LONP1: variants seen among roughly 807,000 people sequenced by gnomAD.
LONP1 encodes the protein lon peptidase 1, mitochondrial.
A neutral mutation model predicts 98.5 loss-of-function variants in LONP1; 31 were observed. The observed-to-expected ratio is 0.31, with a 90% CI of 0.24 to 0.42. The LOEUF (loss-of-function observed/expected upper bound fraction) is 0.42, where lower values mean the gene tolerates loss of function less well. Among genes scored for constraint, LONP1 ranks in the 20% least tolerant of loss-of-function variants. The pLI is 1.00. For missense variants in LONP1, 1,336 were observed against 1,350.6 expected (o/e 0.99, Z 0.17); for synonymous variants, 781 against 594.7 (o/e 1.31, Z -4.56).
chr19:5,696,233 C>G lies in LONP1; in HGVS notation c.1896+16G>C, dbSNP rs760295502. ...TACCCTCCCCAGCAAGCCCAGGCCC[C>G]AGACAGGCCCCCCACCTTGGACAAG... On this transcript the variant is annotated intron_variant, in intron 12 of 17. Coordinates refer to ENST00000360614, the MANE Select transcript of LONP1 (RefSeq NM_004793.4). 6 of 1,613,008 alleles carry G rather than the reference C, an allele frequency of 3.7e-6. No homozygotes were observed. In the East Asian group the frequency reaches 1.1e-4, roughly 30 times the overall value.
Position 5,691,916 on chromosome 19 carries a change from TG to T in LONP1, c.*115del. 1 of 1,205,428 alleles carries T rather than the reference TG, an allele frequency of 8.3e-7. No individual in the cohort carries two copies. Among genetic ancestry groups the T allele is most frequent in the Non-Finnish European group, 1.1e-6 (1 of 870,074 alleles). 74.7% of individuals were successfully genotyped at this position (1,205,428 alleles called of 1,614,324 possible). On this transcript the variant is annotated 3_prime_UTR_variant, in exon 18 of 18. Coordinates refer to ENST00000360614, the MANE Select transcript of LONP1 (RefSeq NM_004793.4). Reference sequence around the variant, plus strand: ...CTGAGGTCCCTGGGATCTGGGTCACTGGACCGAGCTGCTCGCTCGGTGGCTC... The same window carrying T: ...CTGAGGTCCCTGGGATCTGGGTCACTGACCGAGCTGCTCGCTCGGTGGCTC...
chr19:5,699,783 C>A (rs2055008706), intron 9 of LONP1, among the ~76,000 whole-genome samples: 1 of 151,914 alleles, frequency 6.6e-6, no homozygotes, highest in Non-Finnish European at 1.5e-5. Flanking sequence ...TGGTCTCGAA[C>A]TCCTGACCTT....
At chr19:5,708,166 C>T (rs1225958269) in intron 5 of LONP1, 176 bp downstream of exon 5, 9 of 658,744 alleles carry the variant, frequency 1.4e-5, no homozygotes, top group South Asian at 5.7e-5. Context: ...GAGTCGGCCC[C>T]GGGCCTCCCA....
Position 5,720,068 on chromosome 19 carries a change from G to C in LONP1, c.65C>G (p.Pro22Arg), listed in dbSNP as rs907207764. 4 of 1,527,794 alleles carry C rather than the reference G, an allele frequency of 2.6e-6. No homozygotes were observed. The highest frequency in any genetic ancestry group is 2.5e-5 in the East Asian group (1 of 39,416). The allele number at this position is 1,527,794 out of a possible 1,614,324, so 94.6% of individuals were successfully genotyped here. ...CCGCCCCCCGGCGGCGGCCAGCATC[G>C]GCCGCCGCAGCACCCAGCACCGCGC... ...GAARCWVLRR[P>R]MLAAAGGRVP... Residue 22 changes from proline (P) to arginine (R), a missense_variant, in exon 1 of 18, where the codon CCG (proline) becomes CGG (arginine). By Grantham distance (103) the Pro-to-Arg change is moderately radical (BLOSUM62 -2). This residue lies in a region of LONP1 where 457 missense variants were observed against 403.1 expected (regional missense o/e 1.13). Coordinates refer to ENST00000360614, the MANE Select transcript of LONP1 (RefSeq NM_004793.4).
chr19:5,696,602 G>A (rs1040252355), intron 11 of LONP1, 68 bp downstream of exon 11: 2 of 1,478,836 alleles, frequency 1.4e-6, no homozygotes, highest in Admixed American at 3.6e-5. Flanking sequence ...CTAGGACCCG[G>A]AAGGCTCGGC....
rs1479324890 is a variant in LONP1 at position 5,720,014 on chromosome 19, A to G, written c.119T>C (p.Leu40Pro). 1 of 1,571,204 alleles carries G rather than the reference A, an allele frequency of 6.4e-7. No homozygotes were observed. The highest frequency in any genetic ancestry group is 8.6e-7 in the Non-Finnish European group (1 of 1,161,380). Residue 40 changes from leucine to proline, a missense_variant, in exon 1 of 18, where the codon CTC (leucine) becomes CCC (proline). Leu to Pro is a moderately conservative substitution (Grantham distance 98). This residue lies in a region of LONP1 where 457 missense variants were observed against 403.1 expected (regional missense o/e 1.13). Coordinates refer to ENST00000360614, the MANE Select transcript of LONP1 (RefSeq NM_004793.4). ...GGCGTCGCAGGTCCGCTGGCCTCGGAGCAACCACGCTCCTGCTGCAGTGGG... is the reference window on the plus strand; with the variant it reads ...GGCGTCGCAGGTCCGCTGGCCTCGGGGCAACCACGCTCCTGCTGCAGTGGG... ...RVPTAAGAWL[L>P]RGQRTCDASP...
chr19:5,719,997 A>G lies in LONP1; in HGVS notation c.136T>C (p.Cys46Arg). ...GAWLLRGQRT[C>R]DASPPWALWG... The stretch of plus-strand genomic sequence containing the variant: ...AGTGCCCAAGGAGGAGAGGCGTCGC[A>G]GGTCCGCTGGCCTCGGAGCAACCAC... The change falls in exon 1 of 18, where the codon TGC becomes CGC. Residue 46 changes from cysteine to arginine, a missense_variant. By Grantham distance (180) the Cys-to-Arg change is radical (BLOSUM62 -3). Transcript: ENST00000360614. 1 of 1,579,902 alleles carries G rather than the reference A, an allele frequency of 6.3e-7. No homozygotes were observed. Among genetic ancestry groups the G allele is most frequent in the African/African-American group, 1.4e-5 (1 of 73,514 alleles).
chr19:5,712,100 C>A, intron 3 of LONP1, 98 bp from the exon 4 acceptor site: 1 of 992,876 alleles, frequency 1.0e-6, no homozygotes, highest in Non-Finnish European at 1.5e-6. Context: ...AAGGGTCCCG[C>A]TGAGCCCAGA....
At chr19:5,695,956 C>T (rs1438336683) in intron 13 of LONP1, 98 bp downstream of exon 13, 2 of 1,081,964 alleles carry the variant, frequency 1.8e-6, no homozygotes, top group Admixed American at 2.2e-5. Flanking sequence ...ACCTGTCTCT[C>T]CCGGGCCCAG....
intron 1 of LONP1, 39 bp from the exon 2 acceptor site, chr19:5,714,310 A>ATTTTTTTTTT (rs769200423): frequency 4.9e-4 from 663 of 1,359,978 alleles, no homozygotes; most frequent in East Asian, 8.2e-4. Flanking sequence ...TGCAGAGTAG[A>ATTTTTTTTTT]TTTTTTTTTT....
At chr19:5,714,634 T>TC (rs34144905) in intron 1 of LONP1, among the ~76,000 whole-genome samples, 4 of 149,296 alleles carry the variant, frequency 2.7e-5, no homozygotes, top group Admixed American at 6.7e-5. Flanking sequence ...TTTTTTTTTT[T>TC]CTGAGACGGA....
chr19:5,706,555 T>A (rs79363454), intron 7 of LONP1, among the ~76,000 whole-genome samples: 72 of 152,142 alleles, frequency 4.7e-4, no homozygotes, highest in African/African-American at 1.7e-3. Context: ...TGTAGTGAGC[T>A]GAGATTGCGC....
At chr19:5,697,436 C>G (rs1296729136) in intron 10 of LONP1, among the ~76,000 whole-genome samples, 2 of 150,542 alleles carry the variant, frequency 1.3e-5, no homozygotes, top group East Asian at 3.9e-4. Flanking sequence ...GTGCAAAGGC[C>G]CTGAAACAGG....
intron 6 of LONP1, 51 bp downstream of exon 6, chr19:5,707,646 G>A: frequency 6.3e-7 from 1 of 1,578,626 alleles, no homozygotes; most frequent in Non-Finnish European, 8.6e-7. Context: ...GAGCATAGTG[G>A]AGGTGGGGTG....
At position 5,693,195 on chromosome 19, in the gene LONP1, T is replaced by C. The variant is rs73920044; in HGVS notation, c.2703+103A>G. ...AGACCTGCTTCCAAAGCCCAGGGCT[T>C]CCCTCTCCTTGGCCCAGGCAGAGGT... On this transcript the variant is annotated intron_variant, in intron 17 of 17. Transcript: ENST00000360614. The C allele has an allele frequency of 1.2e-4, 163 of 1,414,342 alleles. 1 individual carries two copies. The African/African-American group carries it at 2.1e-3, about 19-fold the overall frequency. The allele number at this position is 1,414,342 out of a possible 1,614,324, so 87.6% of individuals were successfully genotyped here. A position where few individuals can be genotyped will look rare whatever the true frequency, so the allele number is the denominator to read the frequency against.
intron 1 of LONP1, among the ~76,000 whole-genome samples, chr19:5,718,134 C>T (rs1197188534): frequency 6.6e-6 from 1 of 152,100 alleles, no homozygotes; most frequent in Non-Finnish European, 1.5e-5. Context: ...TAGGACCCCA[C>T]AAGGTCTTGC....
chr19:5,699,089 G>A lies in LONP1; in HGVS notation c.1623C>T (p.Asn541=), dbSNP rs2054995175. Residue 541 remains asparagine (N), a synonymous_variant, in exon 10 of 18, where the codon AAC becomes AAT. Transcript: ENST00000360614. ...CGACGCTGAAGCGGAAGTACTCTCG[G>A]TTCAGGGCGCGGGCGATGGAGCGAG... ...SIARSIARAL[N]REYFRFSVGG... is the part of the protein sequence containing the mutation. 4 of 1,607,036 alleles carry A rather than the reference G, an allele frequency of 2.5e-6. No individual in the cohort carries two copies. The highest frequency in any genetic ancestry group is 3.4e-6 in the Non-Finnish European group (4 of 1,175,916).
intron 13 of LONP1, among the ~76,000 whole-genome samples, chr19:5,695,248 C>T (rs1253137961): frequency 6.6e-6 from 1 of 152,140 alleles, no homozygotes. Flanking sequence ...CTGCCCTCAG[C>T]ACATGAGGAA....
rs374217265 is a variant in LONP1, at chr19:5,699,180, C to T, written c.1532G>A (p.Arg511His). Residue 511 changes from arginine to histidine, a missense_variant, in exon 10 of 18, where the codon CGC becomes CAC. Coordinates refer to ENST00000360614, the MANE Select transcript of LONP1 (RefSeq NM_004793.4). ...GAGGATCTTGCCCTGGGTGGAGCCG[C>T]GGAGCTGGCTAACGGCAATGAACTC... ...ILEFIAVSQL[R>H]GSTQGKILCF... The T allele has an allele frequency of 8.6e-6, 13 of 1,512,408 alleles. No homozygotes were observed. The highest frequency in any genetic ancestry group is 1.1e-5 in the Non-Finnish European group (12 of 1,123,080). The allele number at this position is 1,512,408 out of a possible 1,614,324, so 93.7% of individuals were successfully genotyped here.
Sources: allele counts gnomAD v4.1 joint callset (sites outside exome capture counted in the v4.1 genomes callset), GRCh38; gene constraint gnomAD v4.1.1; regional missense constraint gnomAD v4.1.1; transcripts MANE v1.5; gene names NCBI Gene and HGNC (gene_info 2026-07-23, HGNC 2026-07-21).